LCOR: variants seen among roughly 807,000 people sequenced by gnomAD.
LCOR encodes the protein ligand-dependent corepressor.
A neutral mutation model predicts 64.4 loss-of-function variants in LCOR; 14 were observed. That is an observed-to-expected ratio of 0.22 (90% CI 0.14 to 0.34). The LOEUF (loss-of-function observed/expected upper bound fraction) is 0.34. LCOR is among the 10% of genes least tolerant of loss of function. LCOR has a pLI of 1.00. For synonymous variants in LCOR, 643 were observed against 642.5 expected, an observed-to-expected ratio of 1.00 and a Z score of -0.01; for missense variants, 1,686 against 1,765.3, an observed-to-expected ratio of 0.96 and a Z score of 0.80.
At position 96,989,695 on chromosome 10, in the gene LCOR, A is replaced by ATATATATATATATATAT. The variant is rs1371771053; in HGVS notation, c.*4562_*4563insATATATATATATATATT. 1 of 86,160 alleles carries ATATATATATATATATAT rather than the reference A, an allele frequency of 1.2e-5. No individual in the cohort carries two copies. The highest frequency in any genetic ancestry group is 6.2e-5 in the African/African-American group (1 of 16,170). 5.3% of individuals were successfully genotyped at this position (86,160 alleles called of 1,614,324 possible). On this transcript the variant is annotated 3_prime_UTR_variant, in exon 8 of 8. Transcript: ENST00000421806. ...TAAGGATATATATATATATATATAT[A>ATATATATATATATATAT]TTTTTTTTTTTTTTTTTTTTTTTTA...
At chr10:96,953,898 TTAATG>T (rs1369287371) in intron 7 of LCOR, among the ~76,000 whole-genome samples, 1 of 152,242 alleles carries the variant, frequency 6.6e-6, no homozygotes, top group African/African-American at 2.4e-5. Context: ...TTGTGCCTAA[TTAATG>T]TAATCATCCC....
chr10:96,983,547 G>A lies in LCOR; in HGVS notation c.3087G>A (p.Ser1029=), dbSNP rs749997761. 3.1e-6 allele frequency: 5 copies of A among 1,614,092 alleles called. No individual in the cohort carries two copies. The highest frequency in any genetic ancestry group is 1.1e-5 in the South Asian group (1 of 91,088). ...GSGDAARAPK[S]VPRPKRLTSS... ...GTGATGCTGCTAGGGCACCAAAATC[G>A]GTGCCAAGGCCTAAAAGATTGACCT... Residue 1029 remains serine, a synonymous_variant, in exon 8 of 8, where the codon TCG becomes TCA. Coordinates refer to ENST00000421806, the MANE Select transcript of LCOR (RefSeq NM_001346516.2). This position sits in a 1 kb window ranked among gnomAD's most constrained non-coding sequence, Gnocchi z 4.5.
chr10:96,879,734 G>T (rs977635965), intron 2 of LCOR, among the ~76,000 whole-genome samples: 1 of 152,058 alleles, frequency 6.6e-6, no homozygotes, highest in African/African-American at 2.4e-5. Context: ...CGACGTTGGC[G>T]CACTGCAACC....
chr10:96,884,316 G>A lies in LCOR; in HGVS notation c.-329-22949G>A, dbSNP rs144957178. ...TTTACATAAACAAAAGGTCTTTAGCGGTTTCAGTAATTTTTAAGAGTATAA... is the reference window on the plus strand; with the variant it reads ...TTTACATAAACAAAAGGTCTTTAGCAGTTTCAGTAATTTTTAAGAGTATAA... On this transcript the variant is annotated intron_variant, in intron 2 of 7. Coordinates refer to ENST00000421806, the MANE Select transcript of LCOR (RefSeq NM_001346516.2). Among the ~76,000 whole-genome samples the A allele has an allele frequency of 5.5e-3, 831 of 152,214 alleles. 14 individuals carry two copies. The highest frequency in any genetic ancestry group is 0.019 in the African/African-American group (776 of 41,534).
chr10:96,865,318 G>A (rs1845952479), intron 2 of LCOR, among the ~76,000 whole-genome samples: 1 of 152,088 alleles, frequency 6.6e-6, no homozygotes, highest in African/African-American at 2.4e-5. Flanking sequence ...CACTGGATGA[G>A]TATATTGTTA....
At chr10:96,863,614 G>A (rs141334381) in intron 2 of LCOR, among the ~76,000 whole-genome samples, 1 of 152,292 alleles carries the variant, frequency 6.6e-6, no homozygotes, top group African/African-American at 2.4e-5. Flanking sequence ...GTGTGGATTG[G>A]GATAGCATGA....
Position 96,981,593 on chromosome 10 carries a change from G to T in LCOR, c.1133G>T (p.Arg378Leu). 1 of 1,614,160 alleles carries T rather than the reference G, an allele frequency of 6.2e-7. No individual in the cohort carries two copies. Among genetic ancestry groups the T allele is most frequent in the Non-Finnish European group, 8.5e-7 (1 of 1,180,022 alleles). The change falls in exon 8 of 8, where the codon CGC becomes CTC. Residue 378 changes from arginine to leucine, a missense_variant. Transcript: ENST00000421806. ...TTACAGTGTCCAAAAACACCTTTGC[G>T]CCAGGATTTAGAGGCAAATGAACAA... is the stretch of plus-strand genomic sequence containing the variant. The part of the protein sequence containing the change: ...NTLQCPKTPL[R>L]QDLEANEQDA...
At chr10:96,908,399 T>C (rs1318044205) in intron 4 of LCOR, among the ~76,000 whole-genome samples, 2 of 152,228 alleles carry the variant, frequency 1.3e-5, no homozygotes, top group South Asian at 2.1e-4. Context: ...ATGGGAGTTA[T>C]TTTTAGTACA....
At chr10:96,868,870 C>T (rs1338503306) in intron 2 of LCOR, among the ~76,000 whole-genome samples, 1 of 152,104 alleles carries the variant, frequency 6.6e-6, no homozygotes, top group Non-Finnish European at 1.5e-5. Flanking sequence ...CAGTGGGTGT[C>T]CAGTAAGTTG....
rs192971749 is a variant in LCOR, at chr10:96,944,046, C to T, written c.-183-67C>T. On this transcript the variant is annotated intron_variant, in intron 4 of 7. Transcript: ENST00000421806. ...CCTTATTTGCTACTAACTTTGATTTCGTCTATGCTTTTGTTATTGAATGGG... is the reference window on the plus strand; with the variant it reads ...CCTTATTTGCTACTAACTTTGATTTTGTCTATGCTTTTGTTATTGAATGGG... 5.1e-5 allele frequency: 49 copies of T among 952,254 alleles called. No homozygotes were observed. In the African/African-American group the frequency reaches 6.0e-4, roughly 12 times the overall value. The allele number at this position is 952,254 out of a possible 1,614,324, so 59.0% of individuals were successfully genotyped here.
chr10:96,880,501 G>A (rs751032688), intron 2 of LCOR, among the ~76,000 whole-genome samples: 4 of 152,074 alleles, frequency 2.6e-5, no homozygotes, highest in South Asian at 2.1e-4. Flanking sequence ...GGGTTCAAGC[G>A]ATTCTCGTGC....
At chr10:96,898,903 TA>T (rs1463135787) in intron 2 of LCOR, among the ~76,000 whole-genome samples, 1 of 152,130 alleles carries the variant, frequency 6.6e-6, no homozygotes, top group Non-Finnish European at 1.5e-5. Flanking sequence ...AGATAAGAGA[TA>T]GTGAAAACCT....
At chr10:96,933,594 C>A (rs370766155) in intron 4 of LCOR, among the ~76,000 whole-genome samples, 2 of 152,128 alleles carry the variant, frequency 1.3e-5, no homozygotes. Context: ...GATCTGGGCT[C>A]ACTCAACCTC....
intron 2 of LCOR, among the ~76,000 whole-genome samples, chr10:96,857,219 A>G (rs1364090566): frequency 6.6e-6 from 1 of 152,220 alleles, no homozygotes; most frequent in Non-Finnish European, 1.5e-5. Flanking sequence ...ACTACAACCC[A>G]CAAACATGAT....
chr10:96,956,994 T>C, intron 7 of LCOR: 5 of 985,314 alleles, frequency 5.1e-6, no homozygotes, highest in Non-Finnish European at 6.0e-6. Flanking sequence ...GTCTGCCCAG[T>C]GTCCACATTA....
chr10:96,956,706 G>A, intron 7 of LCOR: 5 of 985,818 alleles, frequency 5.1e-6, no homozygotes, highest in Non-Finnish European at 6.0e-6. Context: ...CAACAAGTGA[G>A]GATATAGCCT....
rs910822248 is a variant in LCOR, at chr10:96,872,658, A to G, written c.-329-34607A>G. Among the ~76,000 whole-genome samples, 3 of 152,170 alleles carry G rather than the reference A, an allele frequency of 2.0e-5. No individual in the cohort carries two copies. In the South Asian group the frequency reaches 6.2e-4, roughly 32 times the overall value. ...TGAGATCACACCACTGCACTCCAGC[A>G]TAAGACTCTGTCTTAAAACAAAACA... On this transcript the variant is annotated intron_variant, in intron 2 of 7. Coordinates refer to ENST00000421806, the MANE Select transcript of LCOR (RefSeq NM_001346516.2).
At chr10:96,902,131 T>TA (rs113778435) in intron 2 of LCOR, among the ~76,000 whole-genome samples, 11,470 of 148,188 alleles carry the variant, frequency 0.077, 722 homozygotes, top group East Asian at 0.29. Context: ...TCTTTGCTCT[T>TA]AAAAAAAAAA....
chr10:96,981,023 A>T lies in LCOR; in HGVS notation c.563A>T (p.Lys188Met). 1.4e-6 allele frequency: 1 copy of T among 703,028 alleles called. No homozygotes were observed. Among genetic ancestry groups the T allele is most frequent in the South Asian group, 1.5e-5 (1 of 67,594 alleles). The allele number at this position is 703,028 out of a possible 1,614,324, so 43.5% of individuals were successfully genotyped here. ...TGTGCCCAGCTCAGCACCAAACATA[A>T]GGAAAAAGATGCTCTGTGTCTCGAT... is the stretch of plus-strand genomic sequence containing the variant. Reference protein sequence around the residue: ...AGCAQLSTKHKEKDALCLDMK... With the variant: ...AGCAQLSTKHMEKDALCLDMK... The change falls in exon 8 of 8, where the codon AAG (lysine) becomes ATG (methionine). Residue 188 changes from lysine (K) to methionine (M), a missense_variant. By Grantham distance (95) the Lys-to-Met change is moderately conservative. Transcript: ENST00000421806.
Sources: gnomAD v4.1 joint callset for allele counts (sites outside exome capture counted in the v4.1 genomes callset) on GRCh38, gnomAD v4.1.1 for gene constraint, Gnocchi (gnomAD v3.1) non-coding constraint, MANE v1.5 for transcripts, NCBI Gene and HGNC (gene_info 2026-07-23, HGNC 2026-07-21) for gene names.